Variants in UBAP1 observed in about 807,000 individuals in gnomAD.
UBAP1 encodes ubiquitin associated protein 1.
Under a neutral mutation model 39.0 loss-of-function variants are expected in UBAP1, and 5 were observed. That is an observed-to-expected ratio of 0.13 (90% CI 0.07 to 0.27). The LOEUF is 0.27. UBAP1 is among the 10% of genes least tolerant of loss of function. The pLI is 1.00. For missense variants in UBAP1, 490 were observed against 608.1 expected (o/e 0.81, Z 2.04); for synonymous variants, 211 against 225.1 (o/e 0.94, Z 0.56).
chr9:34,251,642 T>G lies in UBAP1; in HGVS notation c.*110T>G, dbSNP rs1248180381. ...AGCTTCCGGATTTTCTTTTGGGGGT[T>G]AGAAGGTCAGGTGTGGAGACTGCTC... On this transcript the variant is annotated 3_prime_UTR_variant, in exon 7 of 7. Coordinates refer to ENST00000297661, the MANE Select transcript of UBAP1 (RefSeq NM_016525.5). 2 of 1,290,024 alleles carry G rather than the reference T, an allele frequency of 1.6e-6. No homozygotes were observed. The highest frequency in any genetic ancestry group is 5.0e-5 in the East Asian group (2 of 40,000). 79.9% of individuals were successfully genotyped at this position (1,290,024 alleles called of 1,614,324 possible). A position where few individuals can be genotyped will look rare whatever the true frequency, so the allele number is the denominator to read the frequency against.
In UBAP1 at chr9:34,242,023, C is replaced by T. The variant is rs1327200566; in HGVS notation, c.998C>T (p.Pro333Leu). Reference protein sequence around the residue: ...ALNLDSGTEMPALTSSQMPSL... With the variant: ...ALNLDSGTEMLALTSSQMPSL... ...AACTTGGACAGTGGCACAGAGATGC[C>T]AGCCCTGACATCCTCCCAGATGCCT... Residue 333 changes from proline to leucine, a missense_variant, in exon 4 of 7, where the codon CCA becomes CTA. By Grantham distance (98) the Pro-to-Leu change is moderately conservative (BLOSUM62 -3). This residue lies in a region of UBAP1 where 339 missense variants were observed against 390.0 expected (regional missense o/e 0.87). Transcript: ENST00000297661. 1.2e-6 allele frequency: 2 copies of T among 1,614,060 alleles called. No individual in the cohort carries two copies. The highest frequency in any genetic ancestry group is 1.7e-5 in the Admixed American group (1 of 59,996).
intron 1 of UBAP1, among the ~76,000 whole-genome samples, chr9:34,210,141 G>A (rs1342883133): frequency 6.6e-6 from 1 of 152,136 alleles, no homozygotes; most frequent in Non-Finnish European, 1.5e-5. Context: ...AAAGCTTACT[G>A]GAGCTATTGA....
Position 34,182,183 on chromosome 9 carries a change from TA to T in UBAP1, c.-8+2944del, listed in dbSNP as rs1238208078. Among the ~76,000 whole-genome samples the T allele has an allele frequency of 3.4e-5, 5 of 145,814 alleles. No homozygotes were observed. The East Asian group carries it at 1.0e-3, about 30-fold the overall frequency. Reference sequence around the variant, plus strand: ...ACGTTTATTTATTTATTTATTTATTTATTTATTTATTTATTTATTGAGACTG... The same window carrying T: ...ACGTTTATTTATTTATTTATTTATTTTTTATTTATTTATTTATTGAGACTG... On this transcript the variant is annotated intron_variant, in intron 1 of 6. Coordinates refer to ENST00000297661, the MANE Select transcript of UBAP1 (RefSeq NM_016525.5).
chr9:34,195,166 T>A (rs762454565), intron 1 of UBAP1, among the ~76,000 whole-genome samples: 1 of 152,008 alleles, frequency 6.6e-6, no homozygotes, highest in African/African-American at 2.4e-5. Context: ...TAACAGTGTC[T>A]TATAAGAAGT....
At chr9:34,206,953 T>C (rs1831730057) in intron 1 of UBAP1, among the ~76,000 whole-genome samples, 1 of 152,088 alleles carries the variant, frequency 6.6e-6, no homozygotes, top group Non-Finnish European at 1.5e-5. Flanking sequence ...CAGCTTTCAG[T>C]ATTGTATCTT....
chr9:34,219,265 C>T (rs1832525286), intron 1 of UBAP1, among the ~76,000 whole-genome samples: 1 of 151,806 alleles, frequency 6.6e-6, no homozygotes, highest in African/African-American at 2.4e-5. Context: ...TTTTTTGTAT[C>T]TTTGTAGAGA....
At chr9:34,220,871 G>A in intron 1 of UBAP1, 37 bp from the exon 2 acceptor site, 3 of 1,598,108 alleles carry the variant, frequency 1.9e-6, no homozygotes, top group South Asian at 1.1e-5. Flanking sequence ...TACCTTCAAG[G>A]TATAATGTGC....
chr9:34,234,334 A>C lies in UBAP1; in HGVS notation c.153A>C (p.Glu51Asp). The C allele has an allele frequency of 1.3e-6, 2 of 1,596,386 alleles. No homozygotes were observed. The highest frequency in any genetic ancestry group is 1.7e-6 in the Non-Finnish European group (2 of 1,175,542). The change falls in exon 3 of 7, where the codon GAA becomes GAC. Residue 51 changes from glutamate (E) to aspartate (D), a missense_variant. Physicochemically the swap from Glu to Asp is conservative, Grantham distance 45 (BLOSUM62 2). Transcript: ENST00000297661. ...CTGATTGTTTGCAGGTTGTCAGAGAAGTACAGGTAAGTGGTAATTTTTAGT... is the reference window on the plus strand; with the variant it reads ...CTGATTGTTTGCAGGTTGTCAGAGACGTACAGGTAAGTGGTAATTTTTAGT... ...SLPDCLQVVR[E>D]VQYDFSLEKK...
chr9:34,222,842 A>G (rs2131584531), intron 2 of UBAP1, among the ~76,000 whole-genome samples: 1 of 152,270 alleles, frequency 6.6e-6, no homozygotes, highest in Middle Eastern at 3.4e-3. Flanking sequence ...TAAGAAAAGA[A>G]AAAGGGAAAA....
chr9:34,180,883 T>C (rs562675075), intron 1 of UBAP1, among the ~76,000 whole-genome samples: 1 of 151,792 alleles, frequency 6.6e-6, no homozygotes, highest in Admixed American at 6.6e-5. Context: ...CGATCTTGGC[T>C]TGCTGCAACC....
chr9:34,192,895 T>C (rs1259401737), intron 1 of UBAP1, among the ~76,000 whole-genome samples: 1 of 72,756 alleles, frequency 1.4e-5, no homozygotes, highest in African/African-American at 3.1e-5. Flanking sequence ...TTTACAACTA[T>C]AATTACTTAT....
At chr9:34,184,960 G>A (rs1170993461) in intron 1 of UBAP1, among the ~76,000 whole-genome samples, 1 of 105,466 alleles carries the variant, frequency 9.5e-6, no homozygotes, top group East Asian at 2.6e-4. Flanking sequence ...TTGAGATGAA[G>A]TCTCGCTCTT....
At chr9:34,188,112 T>TA (rs10712662) in intron 1 of UBAP1, among the ~76,000 whole-genome samples, 57 of 139,694 alleles carry the variant, frequency 4.1e-4, no homozygotes, top group African/African-American at 1.1e-3. Flanking sequence ...TTGGGTTCAC[T>TA]AAAAAAAAAA....
intron 1 of UBAP1, among the ~76,000 whole-genome samples, chr9:34,200,165 T>C (rs1354515882): frequency 1.3e-5 from 2 of 152,172 alleles, no homozygotes; most frequent in Non-Finnish European, 2.9e-5. Flanking sequence ...TTGTGGATTT[T>C]TGGAAAAATA....
At chr9:34,184,926 C>CTTTT (rs35634769) in intron 1 of UBAP1, among the ~76,000 whole-genome samples, 48 of 105,106 alleles carry the variant, frequency 4.6e-4, no homozygotes, top group African/African-American at 6.2e-4. Flanking sequence ...CCAGCCAATC[C>CTTTT]TTTTTTTTTT....
intron 4 of UBAP1, 63 bp downstream of exon 4, chr9:34,242,171 C>A: frequency 6.7e-7 from 1 of 1,488,348 alleles, no homozygotes; most frequent in Non-Finnish European, 9.0e-7. Flanking sequence ...TATGTTTTTT[C>A]TTGTTGTTTG....
At chr9:34,224,002 C>G (rs1466941742) in intron 2 of UBAP1, 1 of 463,190 alleles carries the variant, frequency 2.2e-6, no homozygotes, top group Non-Finnish European at 3.9e-6. Flanking sequence ...CTTTCCGGAC[C>G]TTGATTTTCC....
Position 34,179,089 on chromosome 9 carries a change from C to A in UBAP1, c.-159C>A, listed in dbSNP as rs1829872590. On this transcript the variant is annotated 5_prime_UTR_variant, in exon 1 of 7. Transcript: ENST00000297661. ...GCGGCTGCGGCACTGGCGGTGGCTA[C>A]GGTGACGGCCTGGCCCGGAGCGGGC... 3 of 1,277,096 alleles carry A rather than the reference C, an allele frequency of 2.3e-6. No individual in the cohort carries two copies. Among genetic ancestry groups the A allele is most frequent in the African/African-American group, 1.5e-5 (1 of 65,144 alleles). 79.1% of individuals were successfully genotyped at this position (1,277,096 alleles called of 1,614,324 possible). A position where few individuals can be genotyped will look rare whatever the true frequency, so the allele number is the denominator to read the frequency against.
At position 34,220,857 on chromosome 9, in the gene UBAP1, G is replaced by A. The variant is rs41313794; in HGVS notation, c.-7-51G>A. 0.15 allele frequency: 239,040 copies of A among 1,543,104 alleles called. 20,651 individuals carry two copies. Among genetic ancestry groups the A allele is most frequent in the Non-Finnish European group, 0.18 (198,784 of 1,120,420 alleles). On this transcript the variant is annotated intron_variant, in intron 1 of 6. Transcript: ENST00000297661. ...CTTTTTTGTACTCTCAATTTTCTTCGTACTACCTTCAAGGTATAATGTGCC... is the reference window on the plus strand; with the variant it reads ...CTTTTTTGTACTCTCAATTTTCTTCATACTACCTTCAAGGTATAATGTGCC...
Sources: allele counts gnomAD v4.1 joint callset (sites outside exome capture counted in the v4.1 genomes callset), GRCh38; gene constraint gnomAD v4.1.1; regional missense constraint gnomAD v4.1.1; transcripts MANE v1.5; gene names NCBI Gene and HGNC (gene_info 2026-07-23, HGNC 2026-07-21).